Variants in SLC14A2 observed in about 807,000 individuals in gnomAD.
The protein encoded by SLC14A2 is solute carrier family 14 member 2, also known as urea transporter 2.
Under a neutral mutation model 104.6 loss-of-function variants are expected in SLC14A2, and 91 were observed. The ratio of observed to expected loss-of-function variants is 0.87; its 90% CI spans 0.73 to 1.04. The LOEUF is 1.04. SLC14A2 is among the 50% of genes least tolerant of loss of function. The pLI is 0.00. For synonymous variants in SLC14A2, 476 were observed against 466.4 expected, an observed-to-expected ratio of 1.02 and a Z score of -0.27; for missense variants, 1,189 against 1,156.0, an observed-to-expected ratio of 1.03 and a Z score of -0.41.
At chr18:45,602,615 G>A (rs1163351012) in intron 2 of SLC14A2, among the ~76,000 whole-genome samples, 1 of 152,192 alleles carries the variant, frequency 6.6e-6, no homozygotes, top group Non-Finnish European at 1.5e-5. Flanking sequence ...TGACTGTGAT[G>A]GGGCAAAGAA....
chr18:45,641,385 T>C, intron 8 of SLC14A2, 42 bp downstream of exon 8: 1 of 1,610,932 alleles, frequency 6.2e-7, no homozygotes, highest in Middle Eastern at 1.7e-4. Context: ...ATTCTGGCTA[T>C]TCCTTCCCCC....
intron 1 of SLC14A2, among the ~76,000 whole-genome samples, chr18:45,378,094 C>T (rs569454602): frequency 6.2e-4 from 94 of 152,318 alleles, no homozygotes; most frequent in East Asian, 3.7e-3. Context: ...CCTTGTTTCT[C>T]CCCTAAGGCA....
chr18:45,496,762 A>G (rs2019212), intron 2 of SLC14A2, among the ~76,000 whole-genome samples: 154 of 152,130 alleles, frequency 1.0e-3, no homozygotes, highest in African/African-American at 3.7e-3. Context: ...CAGCCTAGGC[A>G]ACAAGAGCAA....
At chr18:45,270,309 G>A (rs989851535) in intron 1 of SLC14A2, among the ~76,000 whole-genome samples, 3 of 152,000 alleles carry the variant, frequency 2.0e-5, no homozygotes, top group Non-Finnish European at 2.9e-5. Flanking sequence ...TTTGCACCCA[G>A]TTTTTTTAGT....
chr18:45,675,709 A>ATATATATATATATATATATAT (rs57989993), intron 18 of SLC14A2, among the ~76,000 whole-genome samples: 1 of 78,396 alleles, frequency 1.3e-5, no homozygotes, highest in Non-Finnish European at 2.4e-5. Flanking sequence ...ATATATATAT[A>ATATATATATATATATATATAT]TTTTTTTTTT....
chr18:45,351,335 A>G (rs1215964611), intron 1 of SLC14A2, among the ~76,000 whole-genome samples: 1 of 152,076 alleles, frequency 6.6e-6, no homozygotes. Flanking sequence ...GCCCTTTTCT[A>G]TTCCACTTAT....
At chr18:45,280,317 G>T (rs2084749013) in intron 1 of SLC14A2, among the ~76,000 whole-genome samples, 1 of 152,156 alleles carries the variant, frequency 6.6e-6, no homozygotes, top group Non-Finnish European at 1.5e-5. Flanking sequence ...GGGAGGAAAA[G>T]GGGCCTCAGT....
chr18:45,255,368 C>T (rs1017719219), intron 1 of SLC14A2, among the ~76,000 whole-genome samples: 1 of 152,158 alleles, frequency 6.6e-6, no homozygotes, highest in African/African-American at 2.4e-5. Flanking sequence ...CAGGATTGAG[C>T]AAGATGGCTC....
chr18:45,302,053 T>A (rs888114893), intron 1 of SLC14A2, among the ~76,000 whole-genome samples: 1 of 152,210 alleles, frequency 6.6e-6, no homozygotes, highest in Non-Finnish European at 1.5e-5. Context: ...TTGTTTGGTA[T>A]TTATCCTTTC....
chr18:45,287,979 G>A (rs1051316615), intron 1 of SLC14A2, among the ~76,000 whole-genome samples: 2 of 152,200 alleles, frequency 1.3e-5, no homozygotes, highest in East Asian at 3.8e-4. Flanking sequence ...AGCTCCTTTT[G>A]TCTCCTGCCC....
At chr18:45,606,110 A>C (rs1442440428) in intron 2 of SLC14A2, among the ~76,000 whole-genome samples, 1 of 152,104 alleles carries the variant, frequency 6.6e-6, no homozygotes, top group Admixed American at 6.6e-5. Context: ...GGAAGGAGAA[A>C]CAGCCCCTTT....
chr18:45,365,209 G>C (rs1374255684), intron 1 of SLC14A2, among the ~76,000 whole-genome samples: 1 of 152,186 alleles, frequency 6.6e-6, no homozygotes, highest in Non-Finnish European at 1.5e-5. Flanking sequence ...CAGAGCTAGA[G>C]TTAGAAATTC....
At chr18:45,261,846 T>G (rs2084541826) in intron 1 of SLC14A2, among the ~76,000 whole-genome samples, 1 of 152,234 alleles carries the variant, frequency 6.6e-6, no homozygotes, top group African/African-American at 2.4e-5. Flanking sequence ...TTTGCTATTG[T>G]GAATAGTGCC....
chr18:45,356,190 C>T (rs907497090), intron 1 of SLC14A2, among the ~76,000 whole-genome samples: 4 of 152,140 alleles, frequency 2.6e-5, no homozygotes, highest in East Asian at 1.9e-4. Flanking sequence ...GGTTCTGTGG[C>T]TCCTTGAGCA....
chr18:45,429,852 T>C (rs1231681597), intron 1 of SLC14A2, among the ~76,000 whole-genome samples: 1 of 152,168 alleles, frequency 6.6e-6, no homozygotes, highest in East Asian at 1.9e-4. Flanking sequence ...TAAAGGTCTG[T>C]AGTTGAGGAA....
the SLC14A2 span, among the ~76,000 whole-genome samples, chr18:45,168,153 A>G: frequency 6.6e-6 from 1 of 152,174 alleles, no homozygotes; most frequent in Non-Finnish European, 1.5e-5. Context: ...GTGATTCATG[A>G]TAGTGTCATC....
intron 1 of SLC14A2, among the ~76,000 whole-genome samples, chr18:45,318,661 C>A (rs1374846421): frequency 1.3e-5 from 2 of 151,914 alleles, no homozygotes; most frequent in Non-Finnish European, 2.9e-5. Context: ...GTGGTGGGTG[C>A]CTGTCATCCC....
chr18:45,455,582 G>A (rs560944135), intron 1 of SLC14A2, among the ~76,000 whole-genome samples: 5 of 151,948 alleles, frequency 3.3e-5, no homozygotes, highest in African/African-American at 4.8e-5. Flanking sequence ...ACCATGGCAC[G>A]TGTATACCTA....
intron 1 of SLC14A2, among the ~76,000 whole-genome samples, chr18:45,470,196 TTCTA>T (rs1252244597): frequency 6.6e-6 from 1 of 152,212 alleles, no homozygotes; most frequent in Non-Finnish European, 1.5e-5. Context: ...TCAATAAAGT[TTCTA>T]TCTTTGTGTC....
Sources: gnomAD v4.1 joint callset for allele counts (sites outside exome capture counted in the v4.1 genomes callset) on GRCh38, gnomAD v4.1.1 for gene constraint, MANE v1.5 for transcripts, NCBI Gene and HGNC (gene_info 2026-07-23, HGNC 2026-07-21) for gene names.